The following LPP variants were observed in gnomAD, a reference collection of about 807,000 sequenced individuals.
The protein encoded by LPP is LIM domain containing preferred translocation partner in lipoma.
A neutral mutation model predicts 60.4 loss-of-function variants in LPP; 38 were observed. The ratio of observed to expected loss-of-function variants is 0.63; its 90% CI spans 0.49 to 0.83. The LOEUF is 0.83. Among genes scored for constraint, LPP ranks in the 40% least tolerant of loss-of-function variants. The pLI, the probability that LPP is intolerant of heterozygous loss-of-function variation, is 0.00. For synonymous variants in LPP, 328 were observed against 290.8 expected, an observed-to-expected ratio of 1.13 and a Z score of -1.30; for missense variants, 902 against 783.6, an observed-to-expected ratio of 1.15 and a Z score of -1.80.
At chr3:188,516,897 A>T (rs1282875525) in intron 5 of LPP, among the ~76,000 whole-genome samples, 1 of 152,036 alleles carries the variant, frequency 6.6e-6, no homozygotes, top group Non-Finnish European at 1.5e-5. Context: ...CTGATCTAGG[A>T]TTGTGTTCTT....
chr3:188,274,963 T>C (rs1339819961), intron 2 of LPP, among the ~76,000 whole-genome samples: 1 of 152,326 alleles, frequency 6.6e-6, no homozygotes, highest in African/African-American at 2.4e-5. Flanking sequence ...ACCATGAAAA[T>C]TGACAGTCAA....
At chr3:188,640,000 C>T (rs1849717969) in intron 7 of LPP, among the ~76,000 whole-genome samples, 2 of 152,082 alleles carry the variant, frequency 1.3e-5, no homozygotes, top group South Asian at 4.2e-4. Flanking sequence ...CCATTTGACC[C>T]AGCCATCCCA....
intron 4 of LPP, among the ~76,000 whole-genome samples, chr3:188,476,064 A>T (rs1414832030): frequency 2.0e-5 from 3 of 151,906 alleles, no homozygotes; most frequent in Middle Eastern, 3.2e-3. Flanking sequence ...AACTCCCACC[A>T]CCACCCTAAC....
At chr3:188,179,477 C>T (rs2148886487) in intron 1 of LPP, 2 of 457,868 alleles carry the variant, frequency 4.4e-6, no homozygotes, top group African/African-American at 2.0e-5. Context: ...CCTTCTGGGG[C>T]GCCCACATCT....
At chr3:188,464,623 C>T (rs1025089405) in intron 4 of LPP, among the ~76,000 whole-genome samples, 17 of 152,096 alleles carry the variant, frequency 1.1e-4, no homozygotes, top group Non-Finnish European at 5.9e-5. Context: ...TCAGATATCA[C>T]GTTTTAAAGT....
At chr3:188,431,766 C>T (rs1215019132) in intron 4 of LPP, among the ~76,000 whole-genome samples, 2 of 152,178 alleles carry the variant, frequency 1.3e-5, no homozygotes, top group African/African-American at 2.4e-5. Flanking sequence ...TCACTTCCTT[C>T]CTGCTCTAAG....
intron 2 of LPP, among the ~76,000 whole-genome samples, chr3:188,240,871 A>T (rs544896063): frequency 6.6e-6 from 1 of 152,350 alleles, no homozygotes; most frequent in African/African-American, 2.4e-5. Flanking sequence ...TGGCTATATT[A>T]AAGTAATGCT....
intron 2 of LPP, among the ~76,000 whole-genome samples, chr3:188,313,398 G>A (rs868601756): frequency 2.6e-5 from 4 of 151,960 alleles, no homozygotes; most frequent in African/African-American, 4.8e-5. Context: ...CCAGCACTTC[G>A]GGTGGCTGAG....
At chr3:188,443,783 A>T (rs1456621875) in intron 4 of LPP, among the ~76,000 whole-genome samples, 2 of 152,224 alleles carry the variant, frequency 1.3e-5, no homozygotes, top group Non-Finnish European at 2.9e-5. Context: ...TTGCCATCAG[A>T]ACCTTAATTT....
intron 5 of LPP, among the ~76,000 whole-genome samples, chr3:188,521,323 G>A (rs1274560413): frequency 6.6e-6 from 1 of 152,090 alleles, no homozygotes; most frequent in Non-Finnish European, 1.5e-5. Context: ...GGGAGAATAA[G>A]GACCCTGGAA....
chr3:188,601,454 G>A (rs1560618893), intron 6 of LPP, among the ~76,000 whole-genome samples: 2 of 152,148 alleles, frequency 1.3e-5, no homozygotes, highest in South Asian at 2.1e-4. Context: ...AAATTTTATA[G>A]AAACAAACAT....
intron 2 of LPP, among the ~76,000 whole-genome samples, chr3:188,341,142 T>C (rs1762945558): frequency 6.6e-6 from 1 of 152,220 alleles, no homozygotes; most frequent in South Asian, 2.1e-4. Context: ...GCTGGTTTTA[T>C]TTTATTTTCT....
intron 9 of LPP, among the ~76,000 whole-genome samples, chr3:188,854,226 G>A (rs979530001): frequency 3.9e-5 from 6 of 152,182 alleles, no homozygotes; most frequent in East Asian, 3.8e-4. Flanking sequence ...CTGGCTGTGC[G>A]TTTCATACCT....
At chr3:188,822,720 AG>A (rs1754322842) in intron 9 of LPP, among the ~76,000 whole-genome samples, 1 of 152,156 alleles carries the variant, frequency 6.6e-6, no homozygotes, top group Admixed American at 6.6e-5. Context: ...CCTGGGACAT[AG>A]TGGGCATTCA....
At chr3:188,546,266 A>G (rs1826628101) in intron 6 of LPP, among the ~76,000 whole-genome samples, 1 of 152,160 alleles carries the variant, frequency 6.6e-6, no homozygotes, top group Non-Finnish European at 1.5e-5. Context: ...ACTCTGCCAG[A>G]TTATTTCTAT....
intron 5 of LPP, among the ~76,000 whole-genome samples, chr3:188,498,514 T>C (rs1467820803): frequency 1.3e-5 from 2 of 152,212 alleles, no homozygotes; most frequent in Non-Finnish European, 2.9e-5. Context: ...TGTTGTAGCA[T>C]ATGTCATGCT....
chr3:188,685,998 T>C (rs983375673), intron 7 of LPP, among the ~76,000 whole-genome samples: 3 of 152,206 alleles, frequency 2.0e-5, no homozygotes, highest in Non-Finnish European at 4.4e-5. Flanking sequence ...CTAATGTGTA[T>C]GAGGGCAGGC....
At chr3:188,631,762 T>G (rs1039545648) in intron 7 of LPP, among the ~76,000 whole-genome samples, 1 of 152,174 alleles carries the variant, frequency 6.6e-6, no homozygotes, top group Non-Finnish European at 1.5e-5. Context: ...CCCAGGCACA[T>G]TGAAGCATTC....
chr3:188,186,612 G>A (rs974340257), intron 1 of LPP, among the ~76,000 whole-genome samples: 1 of 151,314 alleles, frequency 6.6e-6, no homozygotes, highest in South Asian at 2.1e-4. Flanking sequence ...TAATTTAAAA[G>A]GTGCTATAAT....
Sources: gnomAD v4.1 joint callset for allele counts (sites outside exome capture counted in the v4.1 genomes callset) on GRCh38, gnomAD v4.1.1 for gene constraint, MANE v1.5 for transcripts, NCBI Gene and HGNC (gene_info 2026-07-23, HGNC 2026-07-21) for gene names.